Variants in SHANK2 observed in about 807,000 individuals in gnomAD.
SHANK2 encodes the protein SH3 and multiple ankyrin repeat domains protein 2.
A neutral mutation model predicts 133.7 loss-of-function variants in SHANK2; 43 were observed. The observed-to-expected ratio is 0.32, with a 90% CI of 0.25 to 0.41. SHANK2 has a LOEUF of 0.41. Among genes scored for constraint, SHANK2 ranks in the 10% least tolerant of loss-of-function variants. The pLI, the probability that SHANK2 is intolerant of heterozygous loss-of-function variation, is 1.00. For synonymous variants in SHANK2, 1,017 were observed against 952.8 expected (o/e 1.07, Z -1.24); for missense variants, 1,994 against 2,235.8 (o/e 0.89, Z 2.18).
At chr11:70,586,488 G>T (rs1358723042) in intron 17 of SHANK2, among the ~76,000 whole-genome samples, 1 of 152,154 alleles carries the variant, frequency 6.6e-6, no homozygotes, top group African/African-American at 2.4e-5. Flanking sequence ...GTGCTGCATA[G>T]CTTGTCACTC....
intron 10 of SHANK2, chr11:70,933,230 T>C (rs1289361634): frequency 2.2e-6 from 1 of 456,306 alleles, no homozygotes; most frequent in Non-Finnish European, 4.4e-6. Context: ...TGGAGGAACC[T>C]TGAGGACACT....
chr11:70,923,931 G>T (rs1284452087), intron 10 of SHANK2, among the ~76,000 whole-genome samples: 1 of 152,174 alleles, frequency 6.6e-6, no homozygotes, highest in Non-Finnish European at 1.5e-5. Context: ...CAGCCTATAA[G>T]AATGCAGACC....
chr11:70,910,313 A>C (rs2135720256), intron 10 of SHANK2, among the ~76,000 whole-genome samples: 1 of 152,266 alleles, frequency 6.6e-6, no homozygotes, highest in South Asian at 2.1e-4. Flanking sequence ...GGTCCCCCGC[A>C]AACACCCAGG....
intron 2 of SHANK2, among the ~76,000 whole-genome samples, chr11:71,210,250 A>ATATATATATATTTATT (rs1353494730): frequency 4.7e-5 from 4 of 85,480 alleles, no homozygotes; most frequent in African/African-American, 2.0e-4. Flanking sequence ...ATATATATAT[A>ATATATATATATTTATT]TATTTATTTA....
intron 14 of SHANK2, among the ~76,000 whole-genome samples, chr11:70,762,932 G>A (rs112742433): frequency 1.6e-4 from 24 of 152,282 alleles, no homozygotes; most frequent in African/African-American, 5.5e-4. Context: ...CATGGCTGGT[G>A]GCCAGGCCAC....
At chr11:70,555,750 C>G (rs537489833) in intron 17 of SHANK2, among the ~76,000 whole-genome samples, 1 of 152,072 alleles carries the variant, frequency 6.6e-6, no homozygotes, top group East Asian at 1.9e-4. Flanking sequence ...AACAAAAAAG[C>G]GCTACTCCAG....
intron 15 of SHANK2, among the ~76,000 whole-genome samples, chr11:70,673,146 C>T (rs1158982252): frequency 5.3e-5 from 8 of 152,074 alleles, no homozygotes; most frequent in African/African-American, 1.9e-4. Context: ...CCAAGATGGT[C>T]CTGGACAAAT....
chr11:70,925,722 C>T (rs1180853409), intron 10 of SHANK2, among the ~76,000 whole-genome samples: 1 of 152,180 alleles, frequency 6.6e-6, no homozygotes, highest in Admixed American at 6.5e-5. Context: ...CCCTGCTTGC[C>T]TTGCCGTGTG....
At position 70,917,054 on chromosome 11, in the gene SHANK2, C is replaced by T. The variant is rs370259030; in HGVS notation, c.1108-20487G>A. Among the ~76,000 whole-genome samples, 293 of 152,194 alleles carry T rather than the reference C, an allele frequency of 1.9e-3. 2 individuals are homozygous for T. The highest frequency in any genetic ancestry group is 5.7e-3 in the African/African-American group (237 of 41,518). ...GGAAAGCGACCAAGAGAAGCCACTA[C>T]GCAGCAGGGCAGTGAGCTGCTTCGA... is the stretch of plus-strand genomic sequence containing the variant. On this transcript the variant is annotated intron_variant, in intron 10 of 25. Coordinates refer to ENST00000601538, the MANE Select transcript of SHANK2 (RefSeq NM_012309.5).
intron 13 of SHANK2, among the ~76,000 whole-genome samples, chr11:70,801,444 C>T (rs1555050483): frequency 6.6e-6 from 1 of 152,188 alleles, no homozygotes; most frequent in African/African-American, 2.4e-5. Context: ...TGCTGGTCCT[C>T]TTCAGAGAAT....
intron 11 of SHANK2, among the ~76,000 whole-genome samples, chr11:70,865,799 C>T (rs1267569685): frequency 2.0e-5 from 3 of 152,214 alleles, no homozygotes; most frequent in African/African-American, 7.2e-5. Context: ...TTCATTCATT[C>T]ACTCACTCAC....
chr11:70,785,588 C>G (rs1555046291), intron 14 of SHANK2, among the ~76,000 whole-genome samples: 2 of 152,234 alleles, frequency 1.3e-5, no homozygotes, highest in African/African-American at 2.4e-5. Context: ...CTACCTCTGT[C>G]TCTCCAGCAC....
At chr11:70,605,664 C>T (rs1052838704) in intron 17 of SHANK2, among the ~76,000 whole-genome samples, 2 of 152,178 alleles carry the variant, frequency 1.3e-5, no homozygotes, top group Non-Finnish European at 2.9e-5. Context: ...TCCAAGGAGG[C>T]GGAGGGGGAC....
intron 8 of SHANK2, among the ~76,000 whole-genome samples, chr11:71,090,261 CTCTGTG>C (rs1271345023): frequency 1.0e-4 from 2 of 19,572 alleles, no homozygotes; most frequent in Non-Finnish European, 2.1e-4. Context: ...GAAACACAAC[CTCTGTG>C]TGTGTGTGTG....
At chr11:70,570,858 T>C (rs1016734573) in intron 17 of SHANK2, 2 of 152,234 alleles carry the variant, frequency 1.3e-5, no homozygotes, top group African/African-American at 2.4e-5. Context: ...TCCAGGGACA[T>C]ACACTGCTTG....
chr11:70,926,527 C>T (rs1265320737), intron 10 of SHANK2, among the ~76,000 whole-genome samples: 4 of 152,208 alleles, frequency 2.6e-5, no homozygotes, highest in Non-Finnish European at 4.4e-5. Context: ...TCTTCATGAG[C>T]ACACCACAGC....
chr11:70,947,714 C>T (rs565704356), intron 10 of SHANK2, among the ~76,000 whole-genome samples: 8 of 152,234 alleles, frequency 5.3e-5, no homozygotes, highest in South Asian at 2.1e-4. Flanking sequence ...TACCCATGTG[C>T]GTCCTGTGGT....
intron 17 of SHANK2, among the ~76,000 whole-genome samples, chr11:70,650,075 A>G (rs1429642952): frequency 6.6e-6 from 1 of 152,218 alleles, no homozygotes; most frequent in Non-Finnish European, 1.5e-5. Flanking sequence ...TCCTATGGTC[A>G]TGGAAGCACA....
intron 17 of SHANK2, among the ~76,000 whole-genome samples, chr11:70,638,321 G>A (rs373486208): frequency 3.9e-5 from 6 of 152,334 alleles, no homozygotes; most frequent in African/African-American, 1.4e-4. Context: ...GAGGACCCAG[G>A]CCACAGACCA....
Sources: allele counts gnomAD v4.1 joint callset (sites outside exome capture counted in the v4.1 genomes callset), GRCh38; gene constraint gnomAD v4.1.1; transcripts MANE v1.5; gene names NCBI Gene and HGNC (gene_info 2026-07-23, HGNC 2026-07-21).